Variants in CGNL1 observed in about 807,000 individuals in gnomAD.
CGNL1 encodes the protein cingulin-like protein 1.
A neutral mutation model predicts 141.2 loss-of-function variants in CGNL1; 132 were observed. The ratio of observed to expected loss-of-function variants is 0.93; its 90% CI spans 0.81 to 1.08. The LOEUF is 1.08. Among genes scored for constraint, CGNL1 ranks in the 50% least tolerant of loss-of-function variants. CGNL1 has a pLI of 0.00. For synonymous variants in CGNL1, 690 were observed against 622.1 expected (o/e 1.11, Z -1.63); for missense variants, 1,870 against 1,588.6 (o/e 1.18, Z -3.01).
chr15:57,435,070 C>G (rs2063089119), intron 1 of CGNL1, among the ~76,000 whole-genome samples: 1 of 152,060 alleles, frequency 6.6e-6, no homozygotes, highest in Non-Finnish European at 1.5e-5. Flanking sequence ...CGATAAGCAT[C>G]TCACAGATGT....
chr15:57,440,391 C>G lies in CGNL1; in HGVS notation c.1617C>G (p.Leu539=), dbSNP rs1442313118. 1.7e-5 allele frequency: 28 copies of G among 1,600,816 alleles called. No homozygotes were observed. The African/African-American group carries it at 2.1e-4, about 12-fold the overall frequency. ...SASNTQATPD[L]LKGQQELTQQ... is the part of the protein sequence containing the mutation. ...TTATGTTCCAGGCCACACCGGATCT[C>G]TTAAAGGGCCAGCAAGAGCTCACTC... The change falls in exon 3 of 19, where the codon CTC becomes CTG. Residue 539 remains leucine, a synonymous_variant. Transcript: ENST00000281282.
intron 13 of CGNL1, 150 bp from the exon 14 acceptor site, chr15:57,531,540 G>A: frequency 1.6e-6 from 1 of 617,768 alleles, no homozygotes; most frequent in Admixed American, 2.9e-5. Flanking sequence ...TCTGCTTTGG[G>A]CAATGTAAGA....
chr15:57,417,743 T>C (rs1595682003), intron 1 of CGNL1, among the ~76,000 whole-genome samples: 1 of 152,142 alleles, frequency 6.6e-6, no homozygotes, highest in East Asian at 1.9e-4. Flanking sequence ...AAAGCCAATA[T>C]AGCCCCTGTT....
chr15:57,435,232 A>G (rs1464566429), intron 1 of CGNL1, among the ~76,000 whole-genome samples: 1 of 152,116 alleles, frequency 6.6e-6, no homozygotes, highest in Non-Finnish European at 1.5e-5. Flanking sequence ...ATATTGTCAT[A>G]ATAATGTAAA....
At chr15:57,515,328 C>G (rs146879583) in intron 8 of CGNL1, among the ~76,000 whole-genome samples, 1 of 152,314 alleles carries the variant, frequency 6.6e-6, no homozygotes, top group Non-Finnish European at 1.5e-5. Context: ...TGAAAGGATG[C>G]TCTGGTTCCT....
intron 8 of CGNL1, among the ~76,000 whole-genome samples, chr15:57,515,700 A>G (rs1204924193): frequency 6.6e-6 from 1 of 152,202 alleles, no homozygotes; most frequent in Non-Finnish European, 1.5e-5. Flanking sequence ...GGAATCAACA[A>G]TAACCACCCT....
At chr15:57,481,993 C>A (rs1259287131) in intron 8 of CGNL1, among the ~76,000 whole-genome samples, 1 of 152,104 alleles carries the variant, frequency 6.6e-6, no homozygotes, top group East Asian at 1.9e-4. Flanking sequence ...TGGTTTTACG[C>A]AGTTTTCTAA....
intron 1 of CGNL1, among the ~76,000 whole-genome samples, chr15:57,386,025 G>C (rs2062478905): frequency 6.6e-6 from 1 of 152,224 alleles, no homozygotes; most frequent in South Asian, 2.1e-4. Context: ...TCTTAAGTAG[G>C]GTGGAAAGAA....
At chr15:57,385,048 G>A (rs8040229) in intron 1 of CGNL1, among the ~76,000 whole-genome samples, 42,609 of 152,102 alleles carry the variant, frequency 0.28, 7,400 homozygotes, top group East Asian at 0.56. Context: ...AGGGCATCCC[G>A]ACACCCAGCT....
At chr15:57,393,391 C>T (rs750153042) in intron 1 of CGNL1, among the ~76,000 whole-genome samples, 1 of 152,164 alleles carries the variant, frequency 6.6e-6, no homozygotes, top group African/African-American at 2.4e-5. Flanking sequence ...AGTAGGCCTC[C>T]TCTGCTGCAG....
intron 8 of CGNL1, among the ~76,000 whole-genome samples, chr15:57,513,253 GGTGTGTGTGTGTGTGTGTGTGTGTGTGT>G (rs369204678): frequency 2.2e-5 from 3 of 133,892 alleles, no homozygotes; most frequent in African/African-American, 5.6e-5. Flanking sequence ...TGTCAATATG[GGTGTGTGTGTGTGTGTGTGTGTGTGTGT>G]GTGTGTGTGT....
intron 1 of CGNL1, among the ~76,000 whole-genome samples, chr15:57,389,093 C>T (rs1488738677): frequency 2.6e-5 from 4 of 151,496 alleles, no homozygotes; most frequent in Non-Finnish European, 4.4e-5. Context: ...TAAAATAATT[C>T]GTGATCAGTG....
chr15:57,453,859 C>A, intron 7 of CGNL1, 41 bp downstream of exon 7: 2 of 1,607,774 alleles, frequency 1.2e-6, no homozygotes, highest in Non-Finnish European at 1.7e-6. Context: ...ACAGGCCCCA[C>A]CTGCCTGGAA....
At chr15:57,447,270 C>T (rs1006668518) in intron 4 of CGNL1, among the ~76,000 whole-genome samples, 6 of 152,220 alleles carry the variant, frequency 3.9e-5, no homozygotes, top group Admixed American at 1.3e-4. Flanking sequence ...TCATTCCTTT[C>T]TGTACTTCTG....
chr15:57,536,960 G>C (rs1289743039), intron 14 of CGNL1, among the ~76,000 whole-genome samples: 7 of 152,196 alleles, frequency 4.6e-5, no homozygotes. Flanking sequence ...CTTAAAATGG[G>C]TGAGGAGTTA....
At chr15:57,498,508 TTTTG>T (rs1377526203) in intron 8 of CGNL1, among the ~76,000 whole-genome samples, 2 of 152,100 alleles carry the variant, frequency 1.3e-5, no homozygotes, top group East Asian at 3.9e-4. Context: ...CCCAACCTGT[TTTTG>T]TTTGTTTATT....
At chr15:57,407,210 C>A (rs1179050507) in intron 1 of CGNL1, 1 of 152,140 alleles carries the variant, frequency 6.6e-6, no homozygotes, top group Non-Finnish European at 1.5e-5. Flanking sequence ...GGCTGACTTG[C>A]TATAACTTAC....
chr15:57,497,778 C>T (rs903145538), intron 8 of CGNL1, among the ~76,000 whole-genome samples: 2 of 152,236 alleles, frequency 1.3e-5, no homozygotes, highest in Non-Finnish European at 2.9e-5. Context: ...AGCAGAGATG[C>T]GGGCTTGCAC....
chr15:57,491,882 A>G (rs1042334790), intron 8 of CGNL1, among the ~76,000 whole-genome samples: 2 of 152,162 alleles, frequency 1.3e-5, no homozygotes, highest in Non-Finnish European at 2.9e-5. Context: ...TCCTGCAAAC[A>G]TACCTGGCCC....
Sources: gnomAD v4.1 joint callset for allele counts (sites outside exome capture counted in the v4.1 genomes callset) on GRCh38, gnomAD v4.1.1 for gene constraint, MANE v1.5 for transcripts, NCBI Gene and HGNC (gene_info 2026-07-23, HGNC 2026-07-21) for gene names.